The following DAB2IP variants were observed in gnomAD, a reference collection of about 807,000 sequenced individuals.
DAB2IP encodes DAB2 interacting protein.
Under a neutral mutation model 107.2 loss-of-function variants are expected in DAB2IP, and 28 were observed. The observed-to-expected ratio is 0.26, with a 90% CI of 0.19 to 0.36. The LOEUF is 0.36. Among genes scored for constraint, DAB2IP ranks in the 10% least tolerant of loss-of-function variants. DAB2IP has a pLI of 1.00. For synonymous variants in DAB2IP, 755 were observed against 706.4 expected (o/e 1.07, Z -1.09); for missense variants, 1,400 against 1,644.7 (o/e 0.85, Z 2.57).
At chr9:121,717,008 G>A (rs1440181113) in intron 3 of DAB2IP, among the ~76,000 whole-genome samples, 3 of 152,184 alleles carry the variant, frequency 2.0e-5, no homozygotes, top group African/African-American at 4.8e-5. Context: ...AGTCTCATAC[G>A]GAGCTGGGCC....
exon 10 of DAB2IP, chr9:121,768,527 C>A (rs758796034): frequency 6.2e-7 from 1 of 1,614,236 alleles, no homozygotes; most frequent in South Asian, 1.1e-5. Flanking sequence ...ATCTCCAACC[C>A]CGAGACCCTC....
At chr9:121,641,995 TTCTCTCTCTCTCTCTC>T (rs71370683) in intron 1 of DAB2IP, among the ~76,000 whole-genome samples, 17 of 34,998 alleles carry the variant, frequency 4.9e-4, no homozygotes, top group African/African-American at 1.3e-3. Flanking sequence ...TTTCTTTCCT[TTCTCTCTCTCTCTCTC>T]TCTCTCTCTC....
intron 1 of DAB2IP, among the ~76,000 whole-genome samples, chr9:121,625,276 G>T (rs1831603414): frequency 1.6e-5 from 2 of 128,424 alleles, no homozygotes; most frequent in Admixed American, 9.3e-5. Context: ...AGTCACTCTT[G>T]TCGCCCAGGC....
At chr9:121,657,697 C>A (rs762755835) in intron 1 of DAB2IP, among the ~76,000 whole-genome samples, 8 of 151,972 alleles carry the variant, frequency 5.3e-5, no homozygotes, top group Non-Finnish European at 1.0e-4. Flanking sequence ...ACTCAGAGAG[C>A]GCTGGAATGG....
chr9:121,719,455 A>G (rs962966365), intron 3 of DAB2IP, among the ~76,000 whole-genome samples: 1 of 152,230 alleles, frequency 6.6e-6, no homozygotes, highest in Non-Finnish European at 1.5e-5. Context: ...CCTAGTGCTC[A>G]GAGGATGAAA....
chr9:121,710,076 C>G (rs981533350), intron 3 of DAB2IP, among the ~76,000 whole-genome samples: 1 of 152,212 alleles, frequency 6.6e-6, no homozygotes, highest in African/African-American at 2.4e-5. Context: ...AATGGCAGAG[C>G]TGGGATTAAA....
rs1832453243 is a variant in DAB2IP, at chr9:121,742,894, A to G, written c.363-14119A>G. On this transcript the variant is annotated intron_variant, in intron 3 of 15. Transcript: ENST00000408936. ...CACAGGGTTCTGAGGCTCAAACTGA[A>G]AGCCTGGTGGTGGGGCACCTGTGAC... 3.0e-6 allele frequency: 3 copies of G among 985,266 alleles called. No homozygotes were observed. The South Asian group carries it at 1.4e-4, about 46-fold the overall frequency. 61.0% of individuals were successfully genotyped at this position (985,266 alleles called of 1,614,324 possible).
chr9:121,738,976 A>G (rs1243039770), intron 3 of DAB2IP, among the ~76,000 whole-genome samples: 2 of 152,230 alleles, frequency 1.3e-5, no homozygotes, highest in Admixed American at 6.5e-5. Flanking sequence ...AAGTTCCCCT[A>G]CTGAAATGTG....
rs555402732 is a variant in DAB2IP, at chr9:121,656,158, A to G, written c.124+4259A>G. Among the ~76,000 whole-genome samples the G allele has an allele frequency of 1.2e-4, 18 of 151,960 alleles. No homozygotes were observed. The East Asian group carries it at 3.3e-3, about 28-fold the overall frequency. On this transcript the variant is annotated intron_variant, in intron 1 of 15. Coordinates refer to ENST00000408936, the Ensembl canonical transcript of DAB2IP. ...CGAGTAGCTGGGATTACAGGCATGC[A>G]CCACCACACCCGGCTAATTTTGTAT...
At chr9:121,714,138 C>A (rs1830472251) in intron 3 of DAB2IP, among the ~76,000 whole-genome samples, 1 of 152,132 alleles carries the variant, frequency 6.6e-6, no homozygotes. Context: ...GTTTGAGATC[C>A]CACAACCTGC....
intron 3 of DAB2IP, among the ~76,000 whole-genome samples, chr9:121,749,327 C>CT (rs1832943060): frequency 6.6e-6 from 1 of 152,246 alleles, no homozygotes; most frequent in Non-Finnish European, 1.5e-5. Context: ...TCCAGACTCT[C>CT]TTTTTTTCCA....
At chr9:121,716,290 A>G (rs954231958) in intron 3 of DAB2IP, among the ~76,000 whole-genome samples, 1 of 152,232 alleles carries the variant, frequency 6.6e-6, no homozygotes, top group Non-Finnish European at 1.5e-5. Context: ...CACTGTGCCC[A>G]TAGGGCCACA....
rs778281178 is a variant in DAB2IP at position 121,772,728 on chromosome 9, G to A, written c.2200G>A (p.Glu734Lys). ...CAGCTCGAGTTACTCGGAAGCCAAC[G>A]AGCCTGATCTTCAGATGGCCAACGG... is the stretch of plus-strand genomic sequence containing the variant. The change falls in exon 12 of 16, where the codon GAG (glutamate) becomes AAG (lysine). Residue 734 changes from glutamate to lysine, a missense_variant. Coordinates refer to ENST00000408936, the Ensembl canonical transcript of DAB2IP. The surrounding 1 kb of genome is among the most constrained non-coding windows in gnomAD (Gnocchi z 4.7). The A allele has an allele frequency of 7.4e-6, 12 of 1,613,908 alleles. No individual in the cohort carries two copies. Among genetic ancestry groups the A allele is most frequent in the Middle Eastern group, 3.3e-4 (2 of 6,084 alleles).
At chr9:121,576,754 T>TG (rs202239873) in intron 1 of DAB2IP, among the ~76,000 whole-genome samples, 40 of 150,350 alleles carry the variant, frequency 2.7e-4, no homozygotes, top group Admixed American at 6.6e-4. Flanking sequence ...GGGCAGATTC[T>TG]GGGGGGGGAG....
chr9:121,569,784 G>T (rs1488649856), intron 1 of DAB2IP, among the ~76,000 whole-genome samples: 1 of 152,214 alleles, frequency 6.6e-6, no homozygotes, highest in African/African-American at 2.4e-5. Context: ...TCACGCTGCT[G>T]CACTCCAGCC....
intron 8 of DAB2IP, among the ~76,000 whole-genome samples, chr9:121,765,686 C>T (rs1834228058): frequency 6.6e-6 from 1 of 152,186 alleles, no homozygotes; most frequent in Non-Finnish European, 1.5e-5. Flanking sequence ...GTTCACGGAC[C>T]ACTGGGGCCT....
At chr9:121,730,515 G>C (rs187928054) in intron 3 of DAB2IP, among the ~76,000 whole-genome samples, 4 of 152,306 alleles carry the variant, frequency 2.6e-5, no homozygotes, top group Non-Finnish European at 5.9e-5. Flanking sequence ...CGCCCAGCAG[G>C]CTGCAGGGGC....
At chr9:121,779,604 C>T (rs530007712) in intron 14 of DAB2IP, among the ~76,000 whole-genome samples, 1 of 152,238 alleles carries the variant, frequency 6.6e-6, no homozygotes, top group Admixed American at 6.5e-5. Flanking sequence ...AGCCTTTAGT[C>T]TTGGCCTAAC....
At chr9:121,767,797 G>A (rs951692304) in intron 9 of DAB2IP, among the ~76,000 whole-genome samples, 9 of 152,276 alleles carry the variant, frequency 5.9e-5, no homozygotes, top group Admixed American at 1.3e-4. Flanking sequence ...CAGAAAATTC[G>A]CAGGGAGGGG....
Sources: gnomAD v4.1 joint callset for allele counts (sites outside exome capture counted in the v4.1 genomes callset) on GRCh38, gnomAD v4.1.1 for gene constraint, Gnocchi (gnomAD v3.1) non-coding constraint, MANE v1.5 for transcripts, NCBI Gene and HGNC (gene_info 2026-07-23, HGNC 2026-07-21) for gene names.